The following PAN3 variants were observed in gnomAD, a reference collection of about 807,000 sequenced individuals.
PAN3 encodes poly(A) specific ribonuclease subunit PAN3.
A neutral mutation model predicts 96.2 loss-of-function variants in PAN3; 19 were observed. That is an observed-to-expected ratio of 0.20 (90% CI 0.14 to 0.29). The LOEUF is 0.29. Ranked by LOEUF, PAN3 falls within the 10% of genes least tolerant of loss-of-function variation. The pLI, the probability that PAN3 is intolerant of heterozygous loss-of-function variation, is 1.00. For synonymous variants in PAN3, 433 were observed against 406.6 expected, an observed-to-expected ratio of 1.06 and a Z score of -0.78; for missense variants, 882 against 1,108.1, an observed-to-expected ratio of 0.80 and a Z score of 2.90.
chr13:28,211,339 A>C (rs1398653789), intron 5 of PAN3, among the ~76,000 whole-genome samples: 3 of 152,006 alleles, frequency 2.0e-5, no homozygotes, highest in Non-Finnish European at 4.4e-5. Context: ...TTGCCTAGTC[A>C]CTCCCAGTGG....
chr13:28,194,343 T>C (rs1451339615), intron 4 of PAN3, among the ~76,000 whole-genome samples: 1 of 151,348 alleles, frequency 6.6e-6, no homozygotes, highest in Admixed American at 6.6e-5. Flanking sequence ...TATGTTGAAC[T>C]TTCCTGATAG....
At position 28,286,748 on chromosome 13, in the gene PAN3, T is replaced by G. The variant is rs567192160; in HGVS notation, c.2385-1236T>G. Among the ~76,000 whole-genome samples, 157 of 152,326 alleles carry G rather than the reference T, an allele frequency of 1.0e-3. 2 individuals are homozygous for G. Among genetic ancestry groups the G allele is most frequent in the African/African-American group, 3.7e-3 (155 of 41,572 alleles). ...ATTTACTGTCAATTTGATGGGCTGTTGAAAGGGAGCAGAGATAAATGGGTG... is the reference window on the plus strand; with the variant it reads ...ATTTACTGTCAATTTGATGGGCTGTGGAAAGGGAGCAGAGATAAATGGGTG... On this transcript the variant is annotated intron_variant, in intron 17 of 18. Transcript: ENST00000380958.
chr13:28,294,483 A>G lies in PAN3; in HGVS notation c.*1961A>G, dbSNP rs1320190630. The G allele has an allele frequency of 2.0e-5, 3 of 152,622 alleles. No homozygotes were observed. The highest frequency in any genetic ancestry group is 2.9e-5 in the Non-Finnish European group (2 of 68,032). 9.5% of individuals were successfully genotyped at this position (152,622 alleles called of 1,614,324 possible). On this transcript the variant is annotated 3_prime_UTR_variant, in exon 19 of 19. Coordinates refer to ENST00000380958, the MANE Select transcript of PAN3 (RefSeq NM_175854.8). ...ATAAGCGGGCTGGAGATTTTTTCCAATATTGTTTTCTTTGAAAATGAAAGG... is the reference window on the plus strand; with the variant it reads ...ATAAGCGGGCTGGAGATTTTTTCCAGTATTGTTTTCTTTGAAAATGAAAGG...
chr13:28,254,821 T>G (rs1451746591), intron 6 of PAN3, among the ~76,000 whole-genome samples: 2 of 152,142 alleles, frequency 1.3e-5, no homozygotes, highest in Non-Finnish European at 2.9e-5. Flanking sequence ...TTATAGTAAG[T>G]AGGAGTACTA....
At chr13:28,181,027 G>T (rs1304763962) in intron 4 of PAN3, among the ~76,000 whole-genome samples, 1 of 152,150 alleles carries the variant, frequency 6.6e-6, no homozygotes, top group Non-Finnish European at 1.5e-5. Flanking sequence ...TTTGAATTGG[G>T]TTTTTTGTGG....
chr13:28,143,145 G>A (rs1870097152), intron 1 of PAN3, among the ~76,000 whole-genome samples: 1 of 151,858 alleles, frequency 6.6e-6, no homozygotes, highest in Admixed American at 6.6e-5. Context: ...GGGGTTGGGA[G>A]TTCTTGCTGT....
At chr13:28,257,200 T>C (rs1885216835) in intron 7 of PAN3, among the ~76,000 whole-genome samples, 1 of 151,864 alleles carries the variant, frequency 6.6e-6, no homozygotes, top group Non-Finnish European at 1.5e-5. Context: ...AGGAAGAACA[T>C]GGCCAGAAAG....
intron 6 of PAN3, among the ~76,000 whole-genome samples, chr13:28,228,518 T>C (rs1036570868): frequency 3.9e-5 from 6 of 152,228 alleles, no homozygotes; most frequent in Non-Finnish European, 8.8e-5. Context: ...CATATTGATA[T>C]GTCTGAAATA....
intron 5 of PAN3, among the ~76,000 whole-genome samples, chr13:28,197,736 A>T (rs941503292): frequency 6.6e-6 from 1 of 151,560 alleles, no homozygotes; most frequent in Non-Finnish European, 1.5e-5. Context: ...TGCCTGGCTA[A>T]TTTTTTGTAT....
chr13:28,279,115 G>A (rs1204946536), intron 15 of PAN3, among the ~76,000 whole-genome samples: 1 of 151,772 alleles, frequency 6.6e-6, no homozygotes, highest in Non-Finnish European at 1.5e-5. Context: ...ATGAGAAAGG[G>A]CAGAGAATGG....
At chr13:28,191,787 A>AT (rs916271890) in intron 4 of PAN3, among the ~76,000 whole-genome samples, 35 of 151,382 alleles carry the variant, frequency 2.3e-4, no homozygotes, top group South Asian at 1.0e-3. Context: ...ATTTATTTTA[A>AT]TTTTTTTTTG....
intron 6 of PAN3, among the ~76,000 whole-genome samples, chr13:28,239,136 C>T (rs1883372563): frequency 2.3e-5 from 1 of 44,194 alleles, no homozygotes; most frequent in Non-Finnish European, 4.5e-5. Context: ...CTTTTAATCC[C>T]ACCCCCCCCA....
chr13:28,218,170 G>C (rs147877372), intron 5 of PAN3, among the ~76,000 whole-genome samples: 118 of 152,032 alleles, frequency 7.8e-4, no homozygotes, highest in African/African-American at 2.6e-3. Context: ...ATTGTTACAT[G>C]TTATTTTAAA....
chr13:28,199,267 T>G lies in PAN3; in HGVS notation c.852+1921T>G, dbSNP rs1878424156. Among the ~76,000 whole-genome samples, 4 of 151,946 alleles carry G rather than the reference T, an allele frequency of 2.6e-5. No homozygotes were observed. The South Asian group carries it at 8.3e-4, about 32-fold the overall frequency. ...TGAAACACTTACCAATGCAGAGGTG[T>G]AGCCACTCGACCTCTCCACGACTGC... On this transcript the variant is annotated intron_variant, in intron 5 of 18. Coordinates refer to ENST00000380958, the MANE Select transcript of PAN3 (RefSeq NM_175854.8).
intron 5 of PAN3, among the ~76,000 whole-genome samples, chr13:28,213,054 G>C (rs1880240623): frequency 6.6e-6 from 1 of 151,976 alleles, no homozygotes; most frequent in African/African-American, 2.4e-5. Flanking sequence ...CCATTTTTGA[G>C]GAATAACAAT....
At chr13:28,168,760 T>C (rs1262145532) in intron 1 of PAN3, among the ~76,000 whole-genome samples, 2 of 151,522 alleles carry the variant, frequency 1.3e-5, no homozygotes, top group African/African-American at 2.4e-5. Flanking sequence ...GGCTCACGCC[T>C]GTAATCCCAC....
At chr13:28,170,788 CTTTA>C (rs934902578) in intron 1 of PAN3, among the ~76,000 whole-genome samples, 3 of 151,960 alleles carry the variant, frequency 2.0e-5, no homozygotes, top group South Asian at 4.2e-4. Context: ...TGACGAATGT[CTTTA>C]TTTATTTTTT....
At chr13:28,233,119 G>A (rs1882748616) in intron 6 of PAN3, among the ~76,000 whole-genome samples, 1 of 151,950 alleles carries the variant, frequency 6.6e-6, no homozygotes, top group Admixed American at 6.6e-5. Flanking sequence ...GGTATAGTTA[G>A]GAAAATCATG....
At chr13:28,250,808 C>CT (rs1884660634) in intron 6 of PAN3, among the ~76,000 whole-genome samples, 1 of 152,202 alleles carries the variant, frequency 6.6e-6, no homozygotes, top group South Asian at 2.1e-4. Flanking sequence ...TCAGCCTCTG[C>CT]TGAGAACTCT....
Sources: gnomAD v4.1 joint callset for allele counts (sites outside exome capture counted in the v4.1 genomes callset) on GRCh38, gnomAD v4.1.1 for gene constraint, MANE v1.5 for transcripts, NCBI Gene and HGNC (gene_info 2026-07-23, HGNC 2026-07-21) for gene names.